The following MCC variants were observed in gnomAD, a reference collection of about 807,000 sequenced individuals.
MCC encodes colorectal mutant cancer protein.
Under a neutral mutation model 116.2 loss-of-function variants are expected in MCC, and 90 were observed. The observed-to-expected ratio is 0.77, with a 90% CI of 0.65 to 0.92. The LOEUF (loss-of-function observed/expected upper bound fraction) is 0.92. Ranked by LOEUF, MCC falls within the 40% of genes least tolerant of loss-of-function variation. The pLI, the probability that MCC is intolerant of heterozygous loss-of-function variation, is 0.00. For missense variants in MCC, 1,516 were observed against 1,312.2 expected (o/e 1.16, Z -2.40); for synonymous variants, 578 against 510.5 (o/e 1.13, Z -1.78).
At chr5:113,134,620 T>G (rs1255398474) in intron 5 of MCC, among the ~76,000 whole-genome samples, 1 of 150,786 alleles carries the variant, frequency 6.6e-6, no homozygotes, top group African/African-American at 2.4e-5. Context: ...TTCTTCTATT[T>G]CTGTGAAGCA....
intron 1 of MCC, chr5:113,433,883 C>T (rs1770752525): frequency 6.2e-7 from 1 of 1,613,932 alleles, no homozygotes; most frequent in Non-Finnish European, 8.5e-7. Flanking sequence ...GTGCCTGGGG[C>T]TGTGCCTCTC....
At chr5:113,275,018 T>C (rs945131899) in intron 3 of MCC, among the ~76,000 whole-genome samples, 1 of 152,146 alleles carries the variant, frequency 6.6e-6, no homozygotes, top group Non-Finnish European at 1.5e-5. Context: ...AAGGCCAGCT[T>C]GCAAATGCTT....
chr5:113,109,252 G>GACAGA (rs1163686998), intron 6 of MCC, among the ~76,000 whole-genome samples: 1 of 152,172 alleles, frequency 6.6e-6, no homozygotes, highest in African/African-American at 2.4e-5. Flanking sequence ...TAGCCAAAAG[G>GACAGA]TGGAAGTAGC....
chr5:113,068,197 C>T lies in MCC; in HGVS notation c.1926-14G>A. The T allele has an allele frequency of 9.4e-6, 15 of 1,601,934 alleles. No homozygotes were observed. The highest frequency in any genetic ancestry group is 1.3e-5 in the Non-Finnish European group (15 of 1,169,164). On this transcript the variant is annotated splice_polypyrimidine_tract_variant and intron_variant, in intron 12 of 18. Transcript: ENST00000408903. ...ATGCACTGCTCGCTGAAACAAAGCACATGGGGCCTCAGCCCTTGCAGAGAA... is the reference window on the plus strand; with the variant it reads ...ATGCACTGCTCGCTGAAACAAAGCATATGGGGCCTCAGCCCTTGCAGAGAA...
chr5:113,339,438 T>TGTGTGTGC (rs145838279), intron 3 of MCC, among the ~76,000 whole-genome samples: 7,418 of 149,552 alleles, frequency 0.05, 641 homozygotes, highest in Admixed American at 0.22. Context: ...TGTGTGTGTG[T>TGTGTGTGC]GCGTGCATGT....
At chr5:113,433,725 CCGCAAGAAG>C (rs1468110361) in intron 1 of MCC, 24 of 1,603,936 alleles carry the variant, frequency 1.5e-5, no homozygotes, top group Middle Eastern at 1.7e-4. Context: ...ATTCCCTGGG[CCGCAAGAAG>C]CTCACTGGGC....
intron 12 of MCC, among the ~76,000 whole-genome samples, chr5:113,069,814 C>T (rs1282788374): frequency 1.3e-5 from 2 of 152,184 alleles, no homozygotes; most frequent in Admixed American, 6.5e-5. Flanking sequence ...TCTTGATCTC[C>T]TGACCTCGTG....
At chr5:113,413,240 G>T (rs1336425563) in intron 1 of MCC, among the ~76,000 whole-genome samples, 1 of 152,110 alleles carries the variant, frequency 6.6e-6, no homozygotes, top group Non-Finnish European at 1.5e-5. Context: ...CTCTTTTTTG[G>T]TTGTGTCTCT....
chr5:113,070,120 CTTT>C (rs750596988), intron 12 of MCC, among the ~76,000 whole-genome samples: 15 of 152,212 alleles, frequency 9.9e-5, no homozygotes, highest in Non-Finnish European at 2.1e-4. Flanking sequence ...TATCTGCTTG[CTTT>C]GCTGTCTGTA....
intron 1 of MCC, among the ~76,000 whole-genome samples, chr5:113,466,744 C>T (rs1420415874): frequency 6.6e-6 from 1 of 152,080 alleles, no homozygotes; most frequent in Non-Finnish European, 1.5e-5. Flanking sequence ...TTCTAGATCC[C>T]TGAGGAATCG....
intron 3 of MCC, among the ~76,000 whole-genome samples, chr5:113,224,633 A>G (rs1012850378): frequency 6.6e-6 from 1 of 152,150 alleles, no homozygotes; most frequent in African/African-American, 2.4e-5. Flanking sequence ...GTAAATTCCA[A>G]AAGTATCACC....
At chr5:113,453,502 A>C (rs540639968) in intron 1 of MCC, among the ~76,000 whole-genome samples, 2 of 152,292 alleles carry the variant, frequency 1.3e-5, no homozygotes, top group Admixed American at 6.5e-5. Context: ...CCATGGCTTC[A>C]ACTCCTCCTC....
chr5:113,216,241 C>G (rs754492250), intron 3 of MCC, among the ~76,000 whole-genome samples: 1 of 152,130 alleles, frequency 6.6e-6, no homozygotes, highest in Non-Finnish European at 1.5e-5. Flanking sequence ...GTCTGCCAAC[C>G]CTTGCCCTAC....
At chr5:113,145,274 C>T (rs1313258753) in intron 4 of MCC, among the ~76,000 whole-genome samples, 1 of 152,154 alleles carries the variant, frequency 6.6e-6, no homozygotes, top group East Asian at 1.9e-4. Flanking sequence ...GTCACCAGTT[C>T]CAGATCTTAG....
Position 113,140,056 on chromosome 5 carries a change from T to C in MCC, c.884+3162A>G, listed in dbSNP as rs1759087946. Reference sequence around the variant, plus strand: ...GTCTATCCAGCATCTCTAAGGAACATACAATAAAACTTCCCCGAGTTTTAT... The same window carrying C: ...GTCTATCCAGCATCTCTAAGGAACACACAATAAAACTTCCCCGAGTTTTAT... On this transcript the variant is annotated intron_variant, in intron 5 of 18. Transcript: ENST00000408903. Among the ~76,000 whole-genome samples the C allele has an allele frequency of 3.9e-5, 6 of 152,206 alleles. No individual in the cohort carries two copies. The South Asian group carries it at 8.3e-4, about 21-fold the overall frequency.
chr5:113,368,812 G>T (rs1336858662), intron 2 of MCC, among the ~76,000 whole-genome samples: 2 of 152,258 alleles, frequency 1.3e-5, no homozygotes, highest in East Asian at 1.9e-4. Flanking sequence ...CACAGGCTGA[G>T]GGTTCAGTCC....
chr5:113,291,905 T>C (rs1766509973), intron 3 of MCC, among the ~76,000 whole-genome samples: 1 of 152,214 alleles, frequency 6.6e-6, no homozygotes, highest in South Asian at 2.1e-4. Flanking sequence ...TAAATTGAAC[T>C]GAGATTTAGG....
At chr5:113,059,950 C>A (rs528199692) in intron 14 of MCC, among the ~76,000 whole-genome samples, 1 of 152,208 alleles carries the variant, frequency 6.6e-6, no homozygotes, top group African/African-American at 2.4e-5. Flanking sequence ...CCACCTCTGT[C>A]CTCAAGACAG....
At chr5:113,208,809 C>G (rs1158830648) in intron 3 of MCC, among the ~76,000 whole-genome samples, 2 of 151,842 alleles carry the variant, frequency 1.3e-5, no homozygotes, top group African/African-American at 4.9e-5. Context: ...CACTGTATTA[C>G]TCAAAAGCAA....
Sources: gnomAD v4.1 joint callset for allele counts (sites outside exome capture counted in the v4.1 genomes callset) on GRCh38, gnomAD v4.1.1 for gene constraint, MANE v1.5 for transcripts, NCBI Gene and HGNC (gene_info 2026-07-23, HGNC 2026-07-21) for gene names.